Variants in STXBP5L observed in about 807,000 individuals in gnomAD.
STXBP5L encodes syntaxin-binding protein 5-like.
Under a neutral mutation model 144.5 loss-of-function variants are expected in STXBP5L, and 65 were observed. The ratio of observed to expected loss-of-function variants is 0.45; its 90% CI spans 0.37 to 0.55. The LOEUF is 0.55. Among genes scored for constraint, STXBP5L ranks in the 20% least tolerant of loss-of-function variants. The probability of loss-of-function intolerance (pLI) is 0.00; values close to 1 mark genes in which losing one functional copy is unlikely to be tolerated. For synonymous variants in STXBP5L, 505 were observed against 469.6 expected (o/e 1.08, Z -0.97); for missense variants, 1,298 against 1,405.5 (o/e 0.92, Z 1.22).
intron 7 of STXBP5L, among the ~76,000 whole-genome samples, chr3:121,144,053 T>C (rs1285256453): frequency 6.7e-6 from 1 of 150,158 alleles, no homozygotes; most frequent in African/African-American, 2.5e-5. Flanking sequence ...AAACACAATG[T>C]AGAGAATAGG....
chr3:121,108,535 G>T (rs2043821140), intron 5 of STXBP5L, among the ~76,000 whole-genome samples: 1 of 151,992 alleles, frequency 6.6e-6, no homozygotes, highest in African/African-American at 2.4e-5. Context: ...TGAATATGTT[G>T]TTACCAGCCT....
chr3:121,014,689 ACTCT>A (rs144805989), intron 3 of STXBP5L, among the ~76,000 whole-genome samples: 2,921 of 151,982 alleles, frequency 0.019, 83 homozygotes, highest in African/African-American at 0.066. Flanking sequence ...ACAATTTTAC[ACTCT>A]CACCAGCAAT....
chr3:121,012,371 A>C (rs1184405263), intron 3 of STXBP5L, among the ~76,000 whole-genome samples: 1 of 151,846 alleles, frequency 6.6e-6, no homozygotes, highest in African/African-American at 2.4e-5. Context: ...TATGTTTTAC[A>C]TTATGAGGAG....
At chr3:121,324,526 G>A (rs764794604) in intron 20 of STXBP5L, 2 of 699,024 alleles carry the variant, frequency 2.9e-6, no homozygotes, top group South Asian at 1.5e-5. Flanking sequence ...TCAGCACTAG[G>A]CTTTTATAGG....
At chr3:121,024,487 T>C (rs939277479) in intron 3 of STXBP5L, among the ~76,000 whole-genome samples, 2 of 152,198 alleles carry the variant, frequency 1.3e-5, no homozygotes, top group Non-Finnish European at 2.9e-5. Context: ...TACCTTTCAG[T>C]GTTCTGTCAG....
At chr3:121,220,293 T>C (rs1169838309) in intron 10 of STXBP5L, among the ~76,000 whole-genome samples, 1 of 152,116 alleles carries the variant, frequency 6.6e-6, no homozygotes, top group Admixed American at 6.6e-5. Flanking sequence ...AAGTTATGTA[T>C]CCATAATTTG....
At chr3:121,249,108 T>G (rs889698901) in intron 14 of STXBP5L, among the ~76,000 whole-genome samples, 1 of 152,002 alleles carries the variant, frequency 6.6e-6, no homozygotes, top group African/African-American at 2.4e-5. Context: ...TTTGTTTAGC[T>G]ATACAGGTTC....
chr3:121,095,205 TG>T (rs933329775), intron 5 of STXBP5L, among the ~76,000 whole-genome samples: 43 of 152,216 alleles, frequency 2.8e-4, no homozygotes, highest in African/African-American at 9.9e-4. Flanking sequence ...CCTCTCTCTC[TG>T]GCTGCCTTAA....
Position 121,128,532 on chromosome 3 carries a change from C to T in STXBP5L, c.669+6828C>T, listed in dbSNP as rs139324012. Among the ~76,000 whole-genome samples the T allele has an allele frequency of 1.0e-3, 152 of 151,960 alleles. 1 individual carries two copies. The highest frequency in any genetic ancestry group is 3.6e-3 in the African/African-American group (150 of 41,478). ...TGGTAGTGGTTGTCCCTTTTAAGGC[C>T]CTTGTTGACAGTAGGAGTTGATGCA... On this transcript the variant is annotated intron_variant, in intron 7 of 26. Transcript: ENST00000471454.
rs185952706 is a variant in STXBP5L at position 120,926,392 on chromosome 3, C to G, written c.189+16625C>G. ...TTTTTCTTTCACCACTCCCTGCTGG[C>G]CTATATAGTTTCCATTGAGAAGTCT... On this transcript the variant is annotated intron_variant, in intron 2 of 26. Transcript: ENST00000471454. 3.4e-4 allele frequency among the ~76,000 whole-genome samples: 50 copies of G among 146,898 alleles called. No homozygotes were observed. In the East Asian group the frequency reaches 0.01, roughly 30 times the overall value.
chr3:120,948,958 C>CT (rs1391740443), intron 2 of STXBP5L, among the ~76,000 whole-genome samples: 1 of 151,708 alleles, frequency 6.6e-6, no homozygotes, highest in African/African-American at 2.4e-5. Flanking sequence ...GGTAGTTCTA[C>CT]TTTTAGCTCT....
intron 7 of STXBP5L, among the ~76,000 whole-genome samples, chr3:121,149,087 G>A (rs938785065): frequency 5.3e-5 from 8 of 151,930 alleles, no homozygotes; most frequent in African/African-American, 1.2e-4. Flanking sequence ...GTAAGAGTAC[G>A]AAATAGGCTT....
intron 3 of STXBP5L, among the ~76,000 whole-genome samples, chr3:121,030,078 T>C (rs1946256728): frequency 6.6e-6 from 1 of 152,114 alleles, no homozygotes; most frequent in South Asian, 2.1e-4. Context: ...ACACTGTTGG[T>C]GGGTGTGTAA....
At chr3:121,357,648 A>C (rs1454069775) in intron 20 of STXBP5L, 1 of 152,236 alleles carries the variant, frequency 6.6e-6, no homozygotes, top group Non-Finnish European at 1.5e-5. Context: ...TTCAACTCTG[A>C]AAGAAGTTGC....
chr3:121,211,822 C>T (rs9822539), intron 10 of STXBP5L, among the ~76,000 whole-genome samples: 15,073 of 151,870 alleles, frequency 0.099, 1,176 homozygotes, highest in Admixed American at 0.2. Flanking sequence ...CCTCGTGATC[C>T]GACCGCCTCA....
chr3:121,117,310 G>A (rs1253039863), intron 6 of STXBP5L, among the ~76,000 whole-genome samples: 1 of 151,754 alleles, frequency 6.6e-6, no homozygotes, highest in Non-Finnish European at 1.5e-5. Flanking sequence ...CTCTGAAAAT[G>A]TTCTTGAAAT....
intron 5 of STXBP5L, among the ~76,000 whole-genome samples, chr3:121,065,316 A>G (rs1469157187): frequency 1.3e-5 from 2 of 152,078 alleles, no homozygotes; most frequent in Non-Finnish European, 2.9e-5. Context: ...GAAATATTTG[A>G]TATTTTTTAA....
At chr3:121,083,474 C>T (rs1260576838) in intron 5 of STXBP5L, among the ~76,000 whole-genome samples, 17 of 151,980 alleles carry the variant, frequency 1.1e-4, no homozygotes. Flanking sequence ...CCAGCCTGGC[C>T]AACATGGTGA....
At chr3:121,297,307 C>G (rs2051696997) in intron 19 of STXBP5L, among the ~76,000 whole-genome samples, 1 of 151,734 alleles carries the variant, frequency 6.6e-6, no homozygotes, top group Admixed American at 6.6e-5. Flanking sequence ...CTGTTGTACA[C>G]AGATCATACC....
Sources: allele counts gnomAD v4.1 joint callset (sites outside exome capture counted in the v4.1 genomes callset), GRCh38; gene constraint gnomAD v4.1.1; transcripts MANE v1.5; gene names NCBI Gene and HGNC (gene_info 2026-07-23, HGNC 2026-07-21).